The following KCNH1 variants were observed in gnomAD, a reference collection of about 807,000 sequenced individuals.
KCNH1 encodes the protein potassium voltage-gated channel subfamily H member 1.
A neutral mutation model predicts 69.2 loss-of-function variants in KCNH1; 27 were observed. The ratio of observed to expected loss-of-function variants is 0.39; its 90% CI spans 0.29 to 0.54. The LOEUF is 0.54. KCNH1 is among the 20% of genes least tolerant of loss of function. KCNH1 has a pLI of 0.68. For synonymous variants in KCNH1, 456 were observed against 487.7 expected (o/e 0.93, Z 0.86); for missense variants, 798 against 1,261.6 (o/e 0.63, Z 5.57).
At chr1:211,061,620 G>T (rs1690434424) in intron 5 of KCNH1, among the ~76,000 whole-genome samples, 2 of 151,842 alleles carry the variant, frequency 1.3e-5, no homozygotes, top group African/African-American at 4.8e-5. Flanking sequence ...ATTCAGTAAA[G>T]TTGCAGGATA....
chr1:210,945,879 A>G lies in KCNH1; in HGVS notation c.1033-25810T>C, dbSNP rs538696317. On this transcript the variant is annotated intron_variant, in intron 6 of 10. Coordinates refer to ENST00000271751, the MANE Select transcript of KCNH1 (RefSeq NM_172362.3). ...ACACGCTTAAAATCGCAACTCCCAG[A>G]CCCCCTTCCCTGTTTCATTTTTCTC... Among the ~76,000 whole-genome samples the G allele has an allele frequency of 5.9e-5, 9 of 152,072 alleles. No individual in the cohort carries two copies. The South Asian group carries it at 1.9e-3, about 32-fold the overall frequency.
chr1:210,970,112 T>A (rs1044725583), intron 6 of KCNH1, among the ~76,000 whole-genome samples: 1 of 152,064 alleles, frequency 6.6e-6, no homozygotes, highest in Non-Finnish European at 1.5e-5. Context: ...ATTTTTTTTT[T>A]ATTTTCCTAA....
At chr1:210,764,626 T>C (rs1300371668) in intron 10 of KCNH1, among the ~76,000 whole-genome samples, 1 of 152,160 alleles carries the variant, frequency 6.6e-6, no homozygotes. Context: ...TCAACATCAC[T>C]ATCATCAAAG....
At chr1:211,087,470 C>T (rs1690974370) in intron 4 of KCNH1, among the ~76,000 whole-genome samples, 1 of 152,014 alleles carries the variant, frequency 6.6e-6, no homozygotes, top group Non-Finnish European at 1.5e-5. Context: ...GCAACAGAAA[C>T]ATATCCCACA....
intron 7 of KCNH1, among the ~76,000 whole-genome samples, chr1:210,889,267 C>T (rs948376138): frequency 2.0e-5 from 3 of 152,098 alleles, no homozygotes; most frequent in Non-Finnish European, 2.9e-5. Flanking sequence ...AATAAATAAG[C>T]ATAATCCCTC....
At chr1:210,837,735 G>C (rs907615643) in intron 7 of KCNH1, among the ~76,000 whole-genome samples, 6 of 152,082 alleles carry the variant, frequency 3.9e-5, no homozygotes, top group Non-Finnish European at 8.8e-5. Context: ...ACGATTTAGG[G>C]CAAGTCACTT....
intron 6 of KCNH1, among the ~76,000 whole-genome samples, chr1:210,998,395 A>G (rs960425720): frequency 5.9e-5 from 9 of 152,358 alleles, no homozygotes; most frequent in Non-Finnish European, 1.2e-4. Context: ...TAAAGCAACA[A>G]AGATCAAAAG....
chr1:210,987,806 A>G (rs961731324), intron 6 of KCNH1, among the ~76,000 whole-genome samples: 1 of 152,116 alleles, frequency 6.6e-6, no homozygotes, highest in Non-Finnish European at 1.5e-5. Flanking sequence ...ACTCTCTTCA[A>G]AGCTGTCAGA....
At chr1:210,834,519 CTCT>C (rs1685240028) in intron 7 of KCNH1, among the ~76,000 whole-genome samples, 1 of 102,504 alleles carries the variant, frequency 9.8e-6, no homozygotes, top group Admixed American at 1.3e-4. Context: ...GAACATCAAA[CTCT>C]GGGGACTGTT....
At chr1:211,126,880 C>T (rs1179341900) in intron 1 of KCNH1, among the ~76,000 whole-genome samples, 1 of 151,984 alleles carries the variant, frequency 6.6e-6, no homozygotes, top group Non-Finnish European at 1.5e-5. Context: ...TGCATCAGAA[C>T]AAAATGTCAC....
At chr1:210,778,046 G>A (rs1683896614) in intron 9 of KCNH1, among the ~76,000 whole-genome samples, 1 of 152,210 alleles carries the variant, frequency 6.6e-6, no homozygotes, top group Non-Finnish European at 1.5e-5. Flanking sequence ...TATATGCTGT[G>A]GCCCACAGCC....
chr1:210,747,977 AAGAC>A (rs1463671715), intron 10 of KCNH1, among the ~76,000 whole-genome samples: 5 of 152,248 alleles, frequency 3.3e-5, no homozygotes, highest in African/African-American at 1.2e-4. Context: ...GAGTGAGAAA[AAGAC>A]AGTCAGTACA....
chr1:210,860,989 A>T, intron 7 of KCNH1: 2 of 1,056,040 alleles, frequency 1.9e-6, no homozygotes, highest in Admixed American at 3.4e-5. Context: ...GCAGGGCTCC[A>T]TCTTTTTTTC....
intron 7 of KCNH1, among the ~76,000 whole-genome samples, chr1:210,912,460 C>T (rs1277272619): frequency 9.9e-5 from 15 of 152,098 alleles, no homozygotes; most frequent in Non-Finnish European, 1.2e-4. Context: ...TATTTAATGA[C>T]CTATACTTTA....
chr1:210,738,435 C>T (rs541218060), intron 10 of KCNH1, among the ~76,000 whole-genome samples: 13 of 151,564 alleles, frequency 8.6e-5, no homozygotes, highest in Admixed American at 3.3e-4. Context: ...CTAGGAAAAT[C>T]GATGTTCTCT....
intron 6 of KCNH1, among the ~76,000 whole-genome samples, chr1:210,942,344 G>A (rs1470442905): frequency 6.6e-6 from 1 of 152,084 alleles, no homozygotes; most frequent in African/African-American, 2.4e-5. Flanking sequence ...CAGGCCCCCT[G>A]TGACCCCAGT....
At chr1:210,760,127 A>G (rs891903343) in intron 10 of KCNH1, among the ~76,000 whole-genome samples, 4 of 152,214 alleles carry the variant, frequency 2.6e-5, no homozygotes, top group African/African-American at 7.2e-5. Context: ...ATTGTCTTCC[A>G]TAAAACTGGT....
intron 7 of KCNH1, chr1:210,858,743 G>A (rs759914507): frequency 6.3e-6 from 1 of 158,684 alleles, no homozygotes; most frequent in Non-Finnish European, 1.4e-5. Flanking sequence ...AATTCTCACA[G>A]GTTTAAAAAT....
At chr1:210,992,316 G>A (rs1558557934) in intron 6 of KCNH1, among the ~76,000 whole-genome samples, 1 of 152,136 alleles carries the variant, frequency 6.6e-6, no homozygotes. Flanking sequence ...GAAAGATACT[G>A]TTGTTTGACC....
Sources: allele counts gnomAD v4.1 joint callset (sites outside exome capture counted in the v4.1 genomes callset), GRCh38; gene constraint gnomAD v4.1.1; transcripts MANE v1.5; gene names NCBI Gene and HGNC (gene_info 2026-07-23, HGNC 2026-07-21).